NEGR1: variants seen among roughly 807,000 people sequenced by gnomAD.
NEGR1 encodes the protein neuronal growth regulator 1, also known as IgLON family member 4.
A neutral mutation model predicts 40.9 loss-of-function variants in NEGR1; 10 were observed. That is an observed-to-expected ratio of 0.24 (90% CI 0.15 to 0.42). The LOEUF (loss-of-function observed/expected upper bound fraction) is 0.42. Among genes scored for constraint, NEGR1 ranks in the 10% least tolerant of loss-of-function variants. The pLI, the probability that NEGR1 is intolerant of heterozygous loss-of-function variation, is 1.00. For missense variants in NEGR1, 352 were observed against 438.9 expected, an observed-to-expected ratio of 0.80 and a Z score of 1.77; for synonymous variants, 185 against 166.8, an observed-to-expected ratio of 1.11 and a Z score of -0.84.
chr1:71,479,425 A>G (rs1193993812), intron 6 of NEGR1, among the ~76,000 whole-genome samples: 2 of 152,052 alleles, frequency 1.3e-5, no homozygotes, highest in Non-Finnish European at 2.9e-5. Flanking sequence ...ATATAATCCA[A>G]ATAAATTCAC....
intron 3 of NEGR1, among the ~76,000 whole-genome samples, 154 bp downstream of exon 3, chr1:71,775,994 AAAATAAATAAATAAATAAATAAAT>A (rs34165866): frequency 7.1e-6 from 1 of 141,742 alleles, no homozygotes; most frequent in African/African-American, 2.6e-5. Context: ...CTCTGTCTCA[AAAATAAATAAATAAATAAATAAAT>A]AAATAAATAA....
intron 2 of NEGR1, among the ~76,000 whole-genome samples, chr1:71,924,538 C>A: frequency 6.6e-6 from 1 of 152,100 alleles, no homozygotes; most frequent in South Asian, 2.1e-4. Flanking sequence ...GTCCATCCAC[C>A]CATTTGTTCA....
At chr1:71,483,466 G>A (rs1311725664) in intron 6 of NEGR1, among the ~76,000 whole-genome samples, 2 of 151,762 alleles carry the variant, frequency 1.3e-5, no homozygotes, top group Non-Finnish European at 2.9e-5. Context: ...GATGGTGTGA[G>A]TATTACAGGT....
intron 3 of NEGR1, among the ~76,000 whole-genome samples, chr1:71,698,450 C>T (rs953326171): frequency 6.7e-6 from 1 of 150,294 alleles, no homozygotes; most frequent in Non-Finnish European, 1.5e-5. Flanking sequence ...AGTTCAACAA[C>T]CTCTGAGCAG....
chr1:72,180,739 T>C (rs1652336435), intron 1 of NEGR1, among the ~76,000 whole-genome samples: 1 of 152,126 alleles, frequency 6.6e-6, no homozygotes, highest in Non-Finnish European at 1.5e-5. Flanking sequence ...ACGGAAATAC[T>C]AATCAAAACT....
At chr1:71,985,351 C>T (rs184562939) in intron 1 of NEGR1, among the ~76,000 whole-genome samples, 71 of 152,270 alleles carry the variant, frequency 4.7e-4, no homozygotes, top group African/African-American at 1.7e-3. Flanking sequence ...GAAAACATTT[C>T]CCTGTAACTC....
intron 1 of NEGR1, among the ~76,000 whole-genome samples, chr1:72,185,541 G>C (rs1205118884): frequency 6.6e-6 from 1 of 151,742 alleles, no homozygotes; most frequent in Non-Finnish European, 1.5e-5. Context: ...ATAATGCTGA[G>C]AAAAAAGCTA....
intron 1 of NEGR1, among the ~76,000 whole-genome samples, chr1:72,244,052 CCA>C (rs1240536820): frequency 5.3e-5 from 8 of 151,872 alleles, no homozygotes; most frequent in South Asian, 2.1e-4. Flanking sequence ...AGTTCCTGAT[CCA>C]CAGTTAATTC....
intron 3 of NEGR1, among the ~76,000 whole-genome samples, chr1:71,707,396 A>C (rs1380365192): frequency 6.6e-6 from 1 of 152,206 alleles, no homozygotes; most frequent in Non-Finnish European, 1.5e-5. Flanking sequence ...TGGTGGCTAC[A>C]GGGTGAGGCT....
intron 1 of NEGR1, among the ~76,000 whole-genome samples, chr1:71,994,431 G>A (rs1646484408): frequency 6.6e-6 from 1 of 152,010 alleles, no homozygotes; most frequent in East Asian, 1.9e-4. Context: ...GGGAGGCTGA[G>A]GCAGGAGAAT....
chr1:72,167,350 TAGAG>T (rs1308821331), intron 1 of NEGR1, among the ~76,000 whole-genome samples: 1 of 152,038 alleles, frequency 6.6e-6, no homozygotes, highest in African/African-American at 2.4e-5. Flanking sequence ...ATGTATAAGA[TAGAG>T]ATTTTAAAAC....
At chr1:71,781,537 G>C (rs544034458) in intron 2 of NEGR1, among the ~76,000 whole-genome samples, 1 of 152,160 alleles carries the variant, frequency 6.6e-6, no homozygotes, top group African/African-American at 2.4e-5. Flanking sequence ...CCATTTGGAG[G>C]CTGTCTTTAG....
intron 6 of NEGR1, among the ~76,000 whole-genome samples, chr1:71,482,203 T>G (rs1163640128): frequency 6.6e-6 from 1 of 151,844 alleles, no homozygotes; most frequent in African/African-American, 2.4e-5. Flanking sequence ...ACACCACCAA[T>G]AGCTATTCAT....
intron 1 of NEGR1, among the ~76,000 whole-genome samples, chr1:72,078,228 T>TA (rs1647834396): frequency 1.3e-5 from 2 of 152,260 alleles, no homozygotes; most frequent in Middle Eastern, 3.4e-3. Flanking sequence ...ATGTGAAGTG[T>TA]AGTGTATTTG....
chr1:71,481,441 T>C (rs1452912270), intron 6 of NEGR1, among the ~76,000 whole-genome samples: 1 of 151,960 alleles, frequency 6.6e-6, no homozygotes, highest in African/African-American at 2.4e-5. Flanking sequence ...TCCACATATA[T>C]TGAGTATATA....
At chr1:72,111,083 T>C (rs1345134773) in intron 1 of NEGR1, among the ~76,000 whole-genome samples, 1 of 90,366 alleles carries the variant, frequency 1.1e-5, no homozygotes, top group Non-Finnish European at 2.8e-5. Flanking sequence ...CATATATATA[T>C]ATACACACAC....
intron 6 of NEGR1, chr1:71,489,854 G>C (rs1483126596): frequency 1.3e-5 from 2 of 151,832 alleles, no homozygotes; most frequent in Non-Finnish European, 2.9e-5. Flanking sequence ...AGGAGGATTT[G>C]CTACATTGTT....
chr1:71,683,684 G>A (rs536626475), intron 4 of NEGR1, among the ~76,000 whole-genome samples: 1 of 151,126 alleles, frequency 6.6e-6, no homozygotes, highest in South Asian at 2.1e-4. Context: ...TTGCCTCTGA[G>A]TACAGCTTTC....
chr1:71,783,053 G>C (rs1656773499), intron 2 of NEGR1, among the ~76,000 whole-genome samples: 1 of 151,620 alleles, frequency 6.6e-6, no homozygotes, highest in Non-Finnish European at 1.5e-5. Flanking sequence ...GACTCTAATA[G>C]TATGTATGTG....
Sources: gnomAD v4.1 joint callset for allele counts (sites outside exome capture counted in the v4.1 genomes callset) on GRCh38, gnomAD v4.1.1 for gene constraint, MANE v1.5 for transcripts, NCBI Gene and HGNC (gene_info 2026-07-23, HGNC 2026-07-21) for gene names.